EXOC6B: variants seen among roughly 807,000 people sequenced by gnomAD.
EXOC6B encodes exocyst complex component 6B.
In EXOC6B, 54 loss-of-function variants were observed where a neutral mutation model predicts 113.5. The ratio of observed to expected loss-of-function variants is 0.48; its 90% confidence interval spans 0.38 to 0.60. The LOEUF is 0.60. EXOC6B is among the 20% of genes least tolerant of loss of function. The probability of loss-of-function intolerance (pLI) is 0.00; values close to 1 mark genes in which losing one functional copy is unlikely to be tolerated. For synonymous variants in EXOC6B, 357 were observed against 339.0 expected (o/e 1.05, Z -0.58); for missense variants, 797 against 977.5 (o/e 0.82, Z 2.46).
At chr2:72,411,584 T>C (rs562464539) in intron 18 of EXOC6B, among the ~76,000 whole-genome samples, 4 of 152,276 alleles carry the variant, frequency 2.6e-5, no homozygotes, top group African/African-American at 9.6e-5. Flanking sequence ...GGGAAAAAAC[T>C]AGTTTCTCAT....
chr2:72,588,579 T>C (rs1362894692), intron 6 of EXOC6B, among the ~76,000 whole-genome samples: 1 of 152,060 alleles, frequency 6.6e-6, no homozygotes, highest in East Asian at 1.9e-4. Flanking sequence ...TTTTGCAATA[T>C]TAAAAAGTTC....
chr2:72,181,043 A>C (rs1327626535), intron 21 of EXOC6B, among the ~76,000 whole-genome samples: 3 of 151,932 alleles, frequency 2.0e-5, no homozygotes, highest in Non-Finnish European at 4.4e-5. Context: ...CCCCATCTCT[A>C]CTAAAAATCC....
chr2:72,401,762 G>C (rs12468198), intron 18 of EXOC6B, among the ~76,000 whole-genome samples: 2 of 139,510 alleles, frequency 1.4e-5, no homozygotes, highest in Non-Finnish European at 3.1e-5. Flanking sequence ...AAATTACTCA[G>C]AAACAGAAAG....
chr2:72,695,529 C>T (rs75169605), intron 6 of EXOC6B, among the ~76,000 whole-genome samples: 5,610 of 150,220 alleles, frequency 0.037, 323 homozygotes, highest in African/African-American at 0.13. Context: ...ATACTTTTTT[C>T]AAAAAAAGAA....
intron 18 of EXOC6B, among the ~76,000 whole-genome samples, chr2:72,396,399 TA>T (rs1692726869): frequency 6.6e-6 from 1 of 152,084 alleles, no homozygotes; most frequent in Non-Finnish European, 1.5e-5. Flanking sequence ...AAATGGCTAT[TA>T]AAATAAATAT....
At chr2:72,411,587 T>A (rs1433507833) in intron 18 of EXOC6B, among the ~76,000 whole-genome samples, 3 of 152,138 alleles carry the variant, frequency 2.0e-5, no homozygotes, top group Non-Finnish European at 4.4e-5. Context: ...AAAAAACTAG[T>A]TTCTCATGAG....
At chr2:72,406,037 G>T (rs1693730681) in intron 18 of EXOC6B, among the ~76,000 whole-genome samples, 2 of 152,058 alleles carry the variant, frequency 1.3e-5, no homozygotes, top group Non-Finnish European at 2.9e-5. Context: ...AATAAAAAAA[G>T]GCAGGGGTTG....
chr2:72,437,068 C>A (rs927552119), intron 18 of EXOC6B, among the ~76,000 whole-genome samples: 1 of 152,140 alleles, frequency 6.6e-6, no homozygotes, highest in Non-Finnish European at 1.5e-5. Flanking sequence ...ATGCTGATGA[C>A]CTTTGCATGG....
intron 20 of EXOC6B, among the ~76,000 whole-genome samples, chr2:72,256,015 C>A (rs1394020483): frequency 6.6e-6 from 1 of 152,158 alleles, no homozygotes; most frequent in Non-Finnish European, 1.5e-5. Context: ...AGTCAAGGAT[C>A]TCAAGGTGAG....
At chr2:72,333,062 G>T (rs1052707076) in intron 20 of EXOC6B, among the ~76,000 whole-genome samples, 1 of 151,886 alleles carries the variant, frequency 6.6e-6, no homozygotes, top group African/African-American at 2.4e-5. Flanking sequence ...ACAGGTATAA[G>T]TAGAAATTAG....
chr2:72,345,902 T>G (rs1689300739), intron 19 of EXOC6B, among the ~76,000 whole-genome samples: 1 of 152,132 alleles, frequency 6.6e-6, no homozygotes. Context: ...AGGGTGTTGA[T>G]AGTGGAGGAG....
At chr2:72,657,562 C>CTTTCTT (rs1674678772) in intron 6 of EXOC6B, among the ~76,000 whole-genome samples, 1 of 41,910 alleles carries the variant, frequency 2.4e-5, no homozygotes, top group African/African-American at 1.2e-4. Context: ...TTCCTCTTTC[C>CTTTCTT]TTTTCTTTTT....
chr2:72,356,483 G>A (rs1689976668), intron 19 of EXOC6B, among the ~76,000 whole-genome samples: 1 of 152,104 alleles, frequency 6.6e-6, no homozygotes, highest in South Asian at 2.1e-4. Flanking sequence ...AGTGTGCTAT[G>A]ATTGCCCTTG....
chr2:72,249,906 T>C (rs1355842117), intron 20 of EXOC6B, among the ~76,000 whole-genome samples: 1 of 152,212 alleles, frequency 6.6e-6, no homozygotes, highest in Non-Finnish European at 1.5e-5. Flanking sequence ...CAACTTAATA[T>C]AATAGCTTTA....
intron 20 of EXOC6B, among the ~76,000 whole-genome samples, chr2:72,259,686 A>C (rs1323591621): frequency 6.6e-6 from 1 of 152,170 alleles, no homozygotes; most frequent in Non-Finnish European, 1.5e-5. Flanking sequence ...TAATTAGCCA[A>C]TTTTTTACTG....
At chr2:72,258,552 A>G (rs1683500945) in intron 20 of EXOC6B, among the ~76,000 whole-genome samples, 2 of 151,094 alleles carry the variant, frequency 1.3e-5, no homozygotes, top group Admixed American at 1.3e-4. Context: ...TTTCTTTTAT[A>G]GAGATAAGGG....
Position 72,279,776 on chromosome 2 carries a change from G to A in EXOC6B, c.2196+55171C>T, listed in dbSNP as rs1301412723. On this transcript the variant is annotated intron_variant, in intron 20 of 21. Transcript: ENST00000272427. Reference sequence around the variant, plus strand: ...CTACAGACATGCACAACCATACCCAGCTAATAATATTTGGGTTTTTTTTGT... The same window carrying A: ...CTACAGACATGCACAACCATACCCAACTAATAATATTTGGGTTTTTTTTGT... 2.0e-5 allele frequency among the ~76,000 whole-genome samples: 3 copies of A among 151,680 alleles called. No homozygotes were observed. In the East Asian group the frequency reaches 5.8e-4, roughly 29 times the overall value.
chr2:72,785,975 G>A (rs981352696), intron 1 of EXOC6B, among the ~76,000 whole-genome samples: 2 of 152,184 alleles, frequency 1.3e-5, no homozygotes, highest in Non-Finnish European at 2.9e-5. Context: ...TGTAATCCCA[G>A]CTCTTTGGGG....
chr2:72,562,153 C>T (rs1369763967), intron 7 of EXOC6B, among the ~76,000 whole-genome samples: 3 of 152,046 alleles, frequency 2.0e-5, no homozygotes, highest in Non-Finnish European at 4.4e-5. Context: ...TTGCTTAGTG[C>T]GAGATGTGTT....
Sources: gnomAD v4.1 joint callset for allele counts (sites outside exome capture counted in the v4.1 genomes callset) on GRCh38, gnomAD v4.1.1 for gene constraint, MANE v1.5 for transcripts, NCBI Gene and HGNC (gene_info 2026-07-23, HGNC 2026-07-21) for gene names.